The following TNNT3 variants were observed in gnomAD, a reference collection of about 807,000 sequenced individuals.
The protein encoded by TNNT3 is troponin T, fast skeletal muscle.
Under a neutral mutation model 54.2 loss-of-function variants are expected in TNNT3, and 36 were observed. That is an observed-to-expected ratio of 0.66 (90% CI 0.51 to 0.88). The LOEUF (loss-of-function observed/expected upper bound fraction) is 0.88, where lower values mean the gene tolerates loss of function less well. TNNT3 is among the 40% of genes least tolerant of loss of function. The pLI is 0.00. For missense variants in TNNT3, 291 were observed against 331.6 expected, an observed-to-expected ratio of 0.88 and a Z score of 0.95; for synonymous variants, 120 against 109.7, an observed-to-expected ratio of 1.09 and a Z score of -0.59.
chr11:1,936,264 C>T lies in TNNT3; in HGVS notation c.682-699C>T, dbSNP rs200622467. 32 of 1,613,610 alleles carry T rather than the reference C, an allele frequency of 2.0e-5. No individual in the cohort carries two copies. In the African/African-American group the frequency reaches 2.7e-4, roughly 13 times the overall value. ...AGATGCTGGCCAAGTTGTAAGTAGC[C>T]GGGTCCGCCCTGGGCCAGGCCCGTG... is the stretch of plus-strand genomic sequence containing the variant. On this transcript the variant is annotated intron_variant, in intron 14 of 15. Transcript: ENST00000278317.
chr11:1,938,260 CAGGCACAGGTGAGT>C, intron 15 of TNNT3, 164 bp from the exon 16 acceptor site: 1 of 713,596 alleles, frequency 1.4e-6, no homozygotes, highest in South Asian at 1.5e-5. Flanking sequence ...CTAGGCCCGC[CAGGCACAGGTGAGT>C]GGGCACTGCC....
chr11:1,938,189 AAGG>A, intron 15 of TNNT3: 1 of 560,446 alleles, frequency 1.8e-6, no homozygotes, highest in Non-Finnish European at 3.2e-6. Context: ...CAGGCAAAGA[AAGG>A]AGGACAGAGG....
At position 1,934,639 on chromosome 11, in the gene TNNT3, G is replaced by A; in HGVS notation, c.574G>A (p.Gly192Ser). The change falls in exon 13 of 16, where the codon GGT (glycine) becomes AGT (serine). Residue 192 changes from glycine (G) to serine (S), a missense_variant. Physicochemically the swap from Gly to Ser is moderately conservative, Grantham distance 56. Transcript: ENST00000278317. ...RRKPLNIDHL[G>S]EDKLRDKAKE... ...CAAGCCGCTCAACATCGATCACCTT[G>A]GTGAAGACAAACTGAGGTGAGGGGT... is the stretch of plus-strand genomic sequence containing the variant. 6.2e-7 allele frequency: 1 copy of A among 1,609,408 alleles called. No individual in the cohort carries two copies. The highest frequency in any genetic ancestry group is 8.5e-7 in the Non-Finnish European group (1 of 1,178,366).
At chr11:1,934,738 C>T (rs1042468642) in intron 13 of TNNT3, 83 bp downstream of exon 13, 43 of 1,594,758 alleles carry the variant, frequency 2.7e-5, no homozygotes, top group South Asian at 1.8e-4. Context: ...TGCCAAGGAC[C>T]GTGCTCCCCA....
At chr11:1,929,730 C>T (rs1456249842) in intron 7 of TNNT3, 80 bp from the exon 8 acceptor site, 17 of 1,489,808 alleles carry the variant, frequency 1.1e-5, no homozygotes, top group African/African-American at 2.8e-5. Context: ...GGCCGCAGGC[C>T]GCCCAGTCTC....
At chr11:1,925,003 C>A in intron 4 of TNNT3, 96 bp from the exon 5 acceptor site, 2 of 1,453,374 alleles carry the variant, frequency 1.4e-6, no homozygotes, top group East Asian at 4.6e-5. Flanking sequence ...CAGCCGGCCT[C>A]CTGTCCTTGC....
intron 7 of TNNT3, 132 bp from the exon 8 acceptor site, chr11:1,929,678 C>T (rs1852746078): frequency 1.0e-6 from 1 of 986,496 alleles, no homozygotes; most frequent in Non-Finnish European, 1.6e-6. Flanking sequence ...GGGGGTACTC[C>T]CAGCTGAAAA....
intron 6 of TNNT3, 57 bp downstream of exon 6, chr11:1,926,766 T>A (rs376734271): frequency 3.1e-6 from 5 of 1,608,260 alleles, no homozygotes; most frequent in Admixed American, 1.7e-5. Flanking sequence ...TTCTGTCCTC[T>A]CTTGCTTCCT....
At position 1,929,234 on chromosome 11, in the gene TNNT3, G is replaced by A. The variant is rs1852567148; in HGVS notation, c.106+91G>A. 4 of 1,442,432 alleles carry A rather than the reference G, an allele frequency of 2.8e-6. No homozygotes were observed. In the East Asian group the frequency reaches 6.8e-5, roughly 25 times the overall value. 89.4% of individuals were successfully genotyped at this position (1,442,432 alleles called of 1,614,324 possible). A position where few individuals can be genotyped will look rare whatever the true frequency, so the allele number is the denominator to read the frequency against. On this transcript the variant is annotated intron_variant, in intron 7 of 15. Transcript: ENST00000278317. ...ACAGGCTGGGGTCTCTCGCTGCCCT[G>A]CCTCCTCCTCCCTCTGTCCTCTTTC...
chr11:1,934,401 GCT>G lies in TNNT3; in HGVS notation c.439_440del (p.Leu147ValfsTer15), dbSNP rs1245725576. ...RAEDDLKKKK[A>X]LSSMGANYSS... ...AGAGGACGACCTGAAGAAGAAGAAA[GCT>G]CTGTCTTCCATGGGAGCCAACTACA... On this transcript the variant is annotated frameshift_variant, in exon 12 of 16. Coordinates refer to ENST00000278317, the MANE Select transcript of TNNT3 (RefSeq NM_006757.4). LOFTEE classifies it high-confidence loss of function. The G allele has an allele frequency of 1.2e-6, 2 of 1,613,856 alleles. No homozygotes were observed. The highest frequency in any genetic ancestry group is 1.3e-5 in the African/African-American group (1 of 75,060).
At chr11:1,922,310 G>A (rs1850293298) in intron 1 of TNNT3, among the ~76,000 whole-genome samples, 1 of 152,128 alleles carries the variant, frequency 6.6e-6, no homozygotes, top group African/African-American at 2.4e-5. Context: ...GCTCAAATAG[G>A]GAAGAGGGGT....
At chr11:1,929,989 G>A (rs778065947) in intron 8 of TNNT3, among the ~76,000 whole-genome samples, 161 bp downstream of exon 8, 21 of 152,250 alleles carry the variant, frequency 1.4e-4, no homozygotes, top group Admixed American at 5.2e-4. Context: ...CGTGTGTTCC[G>A]TGGTGGAGGC....
chr11:1,922,720 C>T (rs1850372289), intron 1 of TNNT3, 137 bp from the exon 2 acceptor site: 1 of 807,480 alleles, frequency 1.2e-6, no homozygotes, highest in Non-Finnish European at 2.1e-6. Flanking sequence ...TCACCCAAGG[C>T]CAGAGCTGGC....
At chr11:1,925,494 C>G (rs1248666861) in intron 5 of TNNT3, 47 of 627,688 alleles carry the variant, frequency 7.5e-5, no homozygotes, top group Admixed American at 1.5e-4. Flanking sequence ...CCCACAGCCC[C>G]CCAGGCAGTA....
chr11:1,936,031 G>T lies in TNNT3; in HGVS notation c.682-932G>T, dbSNP rs1854915617. Among the ~76,000 whole-genome samples the T allele has an allele frequency of 2.0e-5, 3 of 152,172 alleles. No individual in the cohort carries two copies. The South Asian group carries it at 6.2e-4, about 32-fold the overall frequency. On this transcript the variant is annotated intron_variant, in intron 14 of 15. Coordinates refer to ENST00000278317, the MANE Select transcript of TNNT3 (RefSeq NM_006757.4). ...ACGGGCTTCACGGCACAGGACCCAG[G>T]TCCTTCCCATGCTGTGTTCCCAGAG...
At chr11:1,928,008 T>C (rs190356241) in intron 6 of TNNT3, 3 of 152,426 alleles carry the variant, frequency 2.0e-5, no homozygotes, top group Admixed American at 2.0e-4. Flanking sequence ...GGGCTCTCTG[T>C]GGTGTGCAGG....
chr11:1,923,522 C>G (rs760610444), intron 3 of TNNT3, 33 bp from the exon 4 acceptor site: 5 of 1,613,692 alleles, frequency 3.1e-6, no homozygotes. Context: ...CCCCTTCTAA[C>G]GTGGTTCCCC....
intron 1 of TNNT3, among the ~76,000 whole-genome samples, chr11:1,920,857 C>T (rs1380817665): frequency 5.3e-5 from 8 of 152,176 alleles, no homozygotes; most frequent in African/African-American, 1.4e-4. Flanking sequence ...AGCCCCTCCC[C>T]GCAACAGAGG....
intron 1 of TNNT3, among the ~76,000 whole-genome samples, chr11:1,922,424 A>C (rs1195285696): frequency 6.6e-6 from 1 of 152,156 alleles, no homozygotes; most frequent in Non-Finnish European, 1.5e-5. Context: ...CTGGGCAGAG[A>C]ACACCCAGAG....
Sources: gnomAD v4.1 joint callset for allele counts (sites outside exome capture counted in the v4.1 genomes callset) on GRCh38, gnomAD v4.1.1 for gene constraint, MANE v1.5 for transcripts, NCBI Gene and HGNC (gene_info 2026-07-23, HGNC 2026-07-21) for gene names.